Variants in NAV2 observed in about 807,000 individuals in gnomAD.
The protein encoded by NAV2 is helicase, APC down-regulated 1.
Under a neutral mutation model 223.2 loss-of-function variants are expected in NAV2, and 54 were observed. The ratio of observed to expected loss-of-function variants is 0.24; its 90% CI spans 0.19 to 0.30. The LOEUF is 0.30. NAV2 is among the 10% of genes least tolerant of loss of function. NAV2 has a pLI of 1.00. For missense variants in NAV2, 2,806 were observed against 3,147.5 expected (o/e 0.89, Z 2.60); for synonymous variants, 1,279 against 1,239.3 (o/e 1.03, Z -0.67).
In NAV2 at chr11:20,078,047, G is replaced by A. The variant is rs769042839; in HGVS notation, c.5122G>A (p.Ala1708Thr). The change falls in exon 24 of 38, where the codon GCA (alanine) becomes ACA (threonine). Residue 1708 changes from alanine (A) to threonine (T), a missense_variant. Coordinates refer to ENST00000349880, the MANE Select transcript of NAV2 (RefSeq NM_145117.5). ...KTIELLKKQN[A>T]AAQAAINGVI... is the part of the protein sequence containing the mutation. Reference sequence around the variant, plus strand: ...CATTGAGCTGCTAAAGAAACAGAACGCAGCTGCCCAGGCTGCCATTAATGG... The same window carrying A: ...CATTGAGCTGCTAAAGAAACAGAACACAGCTGCCCAGGCTGCCATTAATGG... 42 of 1,613,002 alleles carry A rather than the reference G, an allele frequency of 2.6e-5. 1 individual carries two copies. Among genetic ancestry groups the A allele is most frequent in the Non-Finnish European group, 3.3e-5 (39 of 1,179,812 alleles).
rs947304020 is a variant in NAV2, at chr11:20,090,976, C to T, written c.5610C>T (p.Ala1870=). The change falls in exon 27 of 38, where the codon GCC becomes GCT. Residue 1870 remains alanine (A), a synonymous_variant. Transcript: ENST00000349880. ...TCCGCTTAGAAGCTCTCAGTTCTGC[C>T]CACCAGCTGGACCAGCTCCGGGAGG... is the stretch of plus-strand genomic sequence containing the variant. ...TDIRLEALSS[A]HQLDQLREAM... The T allele has an allele frequency of 6.2e-7, 1 of 1,613,854 alleles. No homozygotes were observed. Among genetic ancestry groups the T allele is most frequent in the Non-Finnish European group, 8.5e-7 (1 of 1,179,876 alleles).
chr11:19,957,076 T>G (rs1328659926), intron 10 of NAV2, among the ~76,000 whole-genome samples: 1 of 152,192 alleles, frequency 6.6e-6, no homozygotes, highest in Non-Finnish European at 1.5e-5. Flanking sequence ...GCATTTCTCA[T>G]TATGTCACAG....
intron 1 of NAV2, among the ~76,000 whole-genome samples, chr11:19,610,189 T>A (rs748568209): frequency 6.6e-6 from 1 of 152,228 alleles, no homozygotes; most frequent in Non-Finnish European, 1.5e-5. Context: ...CTCAGCTCAG[T>A]TCCTGAAATA....
At chr11:19,553,421 T>C (rs1372246571) in intron 1 of NAV2, among the ~76,000 whole-genome samples, 1 of 152,218 alleles carries the variant, frequency 6.6e-6, no homozygotes, top group African/African-American at 2.4e-5. Context: ...TATGGGGGCC[T>C]ACCCCTGCTT....
At chr11:19,692,227 G>T (rs992009437) in intron 1 of NAV2, among the ~76,000 whole-genome samples, 3 of 152,240 alleles carry the variant, frequency 2.0e-5, no homozygotes, top group African/African-American at 7.2e-5. Flanking sequence ...GGTGTTGTCT[G>T]AACTAGAACG....
intron 6 of NAV2, among the ~76,000 whole-genome samples, chr11:19,918,135 C>T (rs58691504): frequency 6.6e-6 from 1 of 152,212 alleles, no homozygotes; most frequent in Non-Finnish European, 1.5e-5. Context: ...CCCAGTGCAC[C>T]TCAGTGTGGA....
chr11:19,800,672 G>GGTGTGTGTGTGTGT (rs142402876), intron 1 of NAV2, among the ~76,000 whole-genome samples: 35 of 145,956 alleles, frequency 2.4e-4, no homozygotes, highest in Non-Finnish European at 4.1e-4. Flanking sequence ...AAGGAGAATG[G>GGTGTGTGTGTGTGT]GTGTGTGTGT....
chr11:19,364,530 C>T (rs2133814106), intron 1 of NAV2, among the ~76,000 whole-genome samples: 1 of 152,288 alleles, frequency 6.6e-6, no homozygotes, highest in South Asian at 2.1e-4. Context: ...AATTTTGATC[C>T]TAGTCATATG....
At chr11:19,663,505 T>C (rs1241625796) in intron 1 of NAV2, among the ~76,000 whole-genome samples, 1 of 152,152 alleles carries the variant, frequency 6.6e-6, no homozygotes, top group Non-Finnish European at 1.5e-5. Flanking sequence ...GGGCCTGTAA[T>C]CCAAAAGCTG....
chr11:19,801,008 A>G (rs2058219040), intron 1 of NAV2, among the ~76,000 whole-genome samples: 1 of 152,246 alleles, frequency 6.6e-6, no homozygotes, highest in Non-Finnish European at 1.5e-5. Context: ...TGAACATTTC[A>G]GAAGCAAGCA....
intron 1 of NAV2, among the ~76,000 whole-genome samples, chr11:19,662,887 T>C (rs1430417849): frequency 6.6e-6 from 1 of 152,226 alleles, no homozygotes; most frequent in Admixed American, 6.5e-5. Context: ...AGATGATGCC[T>C]GCTAGGGCCT....
chr11:19,377,891 T>C (rs1163745757), intron 1 of NAV2, among the ~76,000 whole-genome samples: 1 of 151,938 alleles, frequency 6.6e-6, no homozygotes, highest in African/African-American at 2.4e-5. Context: ...CTGAAGGAGA[T>C]GGGAGTGGGG....
intron 1 of NAV2, among the ~76,000 whole-genome samples, chr11:19,529,573 T>C (rs556256390): frequency 1.3e-5 from 2 of 152,322 alleles, no homozygotes; most frequent in South Asian, 4.1e-4. Flanking sequence ...GTTTATGTCT[T>C]TATGTCCTTT....
At chr11:20,054,923 G>C (rs1198560801) in intron 18 of NAV2, among the ~76,000 whole-genome samples, 2 of 152,168 alleles carry the variant, frequency 1.3e-5, no homozygotes, top group Non-Finnish European at 2.9e-5. Context: ...TGTAAAAGCT[G>C]AATATAATTA....
At chr11:19,986,390 C>A (rs552161155) in intron 11 of NAV2, among the ~76,000 whole-genome samples, 1 of 152,124 alleles carries the variant, frequency 6.6e-6, no homozygotes, top group Non-Finnish European at 1.5e-5. Flanking sequence ...GAGGCCAAGG[C>A]GGGCAGATCA....
intron 11 of NAV2, among the ~76,000 whole-genome samples, chr11:19,999,607 G>C (rs1479709065): frequency 6.6e-6 from 1 of 152,178 alleles, no homozygotes; most frequent in Non-Finnish European, 1.5e-5. Flanking sequence ...CTGACCTCAG[G>C]TGATCAGCCC....
intron 1 of NAV2, among the ~76,000 whole-genome samples, chr11:19,595,581 A>C (rs12285453): frequency 0.18 from 27,409 of 150,844 alleles, 2,968 homozygotes; most frequent in African/African-American, 0.31. Context: ...TTGAGACAGG[A>C]TCTCACTCTG....
At chr11:19,836,414 G>A (rs1422845826) in intron 2 of NAV2, among the ~76,000 whole-genome samples, 1 of 151,808 alleles carries the variant, frequency 6.6e-6, no homozygotes, top group Non-Finnish European at 1.5e-5. Context: ...AAAATTAGCC[G>A]GGCGCGGTGG....
chr11:19,950,708 C>T (rs569097171), intron 10 of NAV2, among the ~76,000 whole-genome samples: 2 of 152,274 alleles, frequency 1.3e-5, no homozygotes, highest in East Asian at 3.9e-4. Context: ...TCCCCTTTAC[C>T]CTCTGAAGGT....
Sources: gnomAD v4.1 joint callset for allele counts (sites outside exome capture counted in the v4.1 genomes callset) on GRCh38, gnomAD v4.1.1 for gene constraint, MANE v1.5 for transcripts, NCBI Gene and HGNC (gene_info 2026-07-23, HGNC 2026-07-21) for gene names.